TSPAN3: variants seen among roughly 807,000 people sequenced by gnomAD.
TSPAN3 encodes the protein tetraspanin-3.
A neutral mutation model predicts 31.1 loss-of-function variants in TSPAN3; 9 were observed. That is an observed-to-expected ratio of 0.29 (90% confidence interval 0.17 to 0.50). The LOEUF (loss-of-function observed/expected upper bound fraction) is 0.50. TSPAN3 is among the 20% of genes least tolerant of loss of function. The pLI, the probability that TSPAN3 is intolerant of heterozygous loss-of-function variation, is 0.98. For missense variants in TSPAN3, 252 were observed against 313.5 expected (o/e 0.80, Z 1.48); for synonymous variants, 129 against 114.3 (o/e 1.13, Z -0.82).
intron 1 of TSPAN3, among the ~76,000 whole-genome samples, chr15:77,066,561 G>A (rs1428636531): frequency 5.7e-5 from 5 of 88,370 alleles, no homozygotes; most frequent in African/African-American, 2.5e-4. Context: ...GACAGAGTAA[G>A]ACTTCGTCTC....
At position 77,052,397 on chromosome 15, in the gene TSPAN3, A is replaced by C; in HGVS notation, c.657T>G (p.Phe219Leu). The part of the protein sequence containing the change: ...MMHVIWAALA[F>L]AAIQLLGMLC... ...AAGCTGTGCTTACCTGAATAGCTGC[A>C]AATGCCAGTGCGGCCCAGATCACAT... Residue 219 changes from phenylalanine (F) to leucine (L), a missense_variant, in exon 6 of 7, where the codon TTT becomes TTG. Phe to Leu is a conservative substitution (Grantham distance 22). Transcript: ENST00000267970. 6.2e-7 allele frequency: 1 copy of C among 1,614,216 alleles called. No individual in the cohort carries two copies. The highest frequency in any genetic ancestry group is 8.5e-7 in the Non-Finnish European group (1 of 1,180,028).
chr15:77,059,785 TAAC>T (rs1488414327), intron 1 of TSPAN3, among the ~76,000 whole-genome samples: 2 of 152,186 alleles, frequency 1.3e-5, no homozygotes, highest in East Asian at 3.8e-4. Flanking sequence ...CATATGTACT[TAAC>T]AATCAACCTG....
chr15:77,047,804 A>C (rs1046104525), intron 6 of TSPAN3, among the ~76,000 whole-genome samples: 1 of 152,202 alleles, frequency 6.6e-6, no homozygotes, highest in African/African-American at 2.4e-5. Flanking sequence ...CTAACTTCTC[A>C]TTGATGAGGA....
intron 5 of TSPAN3, 102 bp from the exon 6 acceptor site, chr15:77,052,570 TGAAA>T (rs2076739208): frequency 8.0e-7 from 1 of 1,242,622 alleles, no homozygotes; most frequent in Non-Finnish European, 1.2e-6. Context: ...TGACAGAAAC[TGAAA>T]GAGTGGAAAA....
At chr15:77,053,158 A>G (rs1202728226) in intron 4 of TSPAN3, among the ~76,000 whole-genome samples, 3 of 152,142 alleles carry the variant, frequency 2.0e-5, no homozygotes, top group Non-Finnish European at 2.9e-5. Flanking sequence ...ATTTTAATGT[A>G]AACAGCCAGA....
At chr15:77,058,683 T>TAA (rs1224392125) in intron 1 of TSPAN3, among the ~76,000 whole-genome samples, 1 of 152,210 alleles carries the variant, frequency 6.6e-6, no homozygotes, top group Non-Finnish European at 1.5e-5. Context: ...AGGTATCAGT[T>TAA]AAAGTTTATT....
intron 6 of TSPAN3, 50 bp from the exon 7 acceptor site, chr15:77,046,977 G>A: frequency 7.0e-7 from 1 of 1,421,680 alleles, no homozygotes; most frequent in Non-Finnish European, 9.7e-7. Flanking sequence ...ACCCTCTCAT[G>A]GCAGGTGTGT....
intron 6 of TSPAN3, among the ~76,000 whole-genome samples, chr15:77,051,791 A>C (rs2076732895): frequency 6.6e-6 from 1 of 151,938 alleles, no homozygotes; most frequent in Non-Finnish European, 1.5e-5. Context: ...CCAGGAGTTC[A>C]AAGTTACAGT....
rs1276992477 is a variant in TSPAN3 at position 77,042,057 on chromosome 15, A to C, written c.*4778T>G. ...CTAACACAATGGAATGACAAATCCT[A>C]CAGTTAGACATGGAAGGAGCATCAG... On this transcript the variant is annotated 3_prime_UTR_variant, in exon 7 of 7. Coordinates refer to ENST00000267970, the MANE Select transcript of TSPAN3 (RefSeq NM_005724.6). The C allele has an allele frequency of 1.3e-5, 2 of 151,620 alleles. No individual in the cohort carries two copies. Among genetic ancestry groups the C allele is most frequent in the African/African-American group, 2.4e-5 (1 of 40,934 alleles). 9.4% of individuals were successfully genotyped at this position (151,620 alleles called of 1,614,324 possible).
intron 1 of TSPAN3, among the ~76,000 whole-genome samples, chr15:77,056,852 C>G (rs931159659): frequency 7.2e-5 from 11 of 152,190 alleles, no homozygotes; most frequent in African/African-American, 2.4e-4. Flanking sequence ...TCTATCAATT[C>G]TTTAGAATGG....
Position 77,071,004 on chromosome 15 carries a change from C to T in TSPAN3, c.-50G>A. The T allele has an allele frequency of 7.5e-7, 1 of 1,328,544 alleles. No homozygotes were observed. Among genetic ancestry groups the T allele is most frequent in the Non-Finnish European group, 9.8e-7 (1 of 1,024,384 alleles). The allele number at this position is 1,328,544 out of a possible 1,614,324, so 82.3% of individuals were successfully genotyped here. ...GGCCCGGAGAGCGGGGCTGCGCTCA[C>T]CGAGAGAGCGGCAATGGCGGCGGCG... On this transcript the variant is annotated 5_prime_UTR_variant, in exon 1 of 7. The change creates a new upstream start codon in the 5' untranslated region. Transcript: ENST00000267970.
chr15:77,056,545 A>G (rs770575439), intron 1 of TSPAN3, among the ~76,000 whole-genome samples: 1 of 152,146 alleles, frequency 6.6e-6, no homozygotes, highest in Non-Finnish European at 1.5e-5. Flanking sequence ...CTAAAGGCTT[A>G]CTGTAGCTCA....
chr15:77,052,310 G>T, intron 6 of TSPAN3, 75 bp downstream of exon 6: 2 of 1,270,044 alleles, frequency 1.6e-6, no homozygotes. Flanking sequence ...CACTGTGATG[G>T]GGATTAAAAC....
Position 77,044,788 on chromosome 15 carries a change from G to C in TSPAN3, c.*2047C>G, listed in dbSNP as rs1291049770. ...CAACCAACATCACAGTCCAAATATT[G>C]CTCACCTCAGGGCCAGCCTGTGACA... On this transcript the variant is annotated 3_prime_UTR_variant, in exon 7 of 7. Coordinates refer to ENST00000267970, the MANE Select transcript of TSPAN3 (RefSeq NM_005724.6). 6.6e-6 allele frequency: 1 copy of C among 152,196 alleles called. No individual in the cohort carries two copies. The highest frequency in any genetic ancestry group is 2.4e-5 in the African/African-American group (1 of 41,424). The allele number at this position is 152,196 out of a possible 1,614,324, so 9.4% of individuals were successfully genotyped here. A position where few individuals can be genotyped will look rare whatever the true frequency, so the allele number is the denominator to read the frequency against.
At chr15:77,055,685 G>T in intron 3 of TSPAN3, 104 bp downstream of exon 3, 1 of 906,288 alleles carries the variant, frequency 1.1e-6, no homozygotes, top group Non-Finnish European at 1.7e-6. Flanking sequence ...AAACAAGTAA[G>T]GCAAAAGAAA....
chr15:77,056,631 A>G (rs1432962231), intron 1 of TSPAN3, among the ~76,000 whole-genome samples: 1 of 152,086 alleles, frequency 6.6e-6, no homozygotes, highest in East Asian at 1.9e-4. Context: ...TAAGTGGGGA[A>G]ATTTGGTAGA....
intron 5 of TSPAN3, 115 bp from the exon 6 acceptor site, chr15:77,052,583 A>G: frequency 8.5e-7 from 1 of 1,181,208 alleles, no homozygotes; most frequent in Non-Finnish European, 1.2e-6. Context: ...AAGAGTGGAA[A>G]AAAGATTCCA....
At chr15:77,049,570 G>T (rs910136871) in intron 6 of TSPAN3, among the ~76,000 whole-genome samples, 1 of 152,126 alleles carries the variant, frequency 6.6e-6, no homozygotes, top group Non-Finnish European at 1.5e-5. Flanking sequence ...TACTCTCAAA[G>T]AAGTGAAATA....
chr15:77,063,237 C>T (rs544411794), intron 1 of TSPAN3, among the ~76,000 whole-genome samples: 1 of 152,310 alleles, frequency 6.6e-6, no homozygotes, highest in East Asian at 1.9e-4. Context: ...GATTATCTAA[C>T]ACAATTCTTT....
Sources: gnomAD v4.1 joint callset for allele counts (sites outside exome capture counted in the v4.1 genomes callset) on GRCh38, gnomAD v4.1.1 for gene constraint, MANE v1.5 for transcripts, NCBI Gene and HGNC (gene_info 2026-07-23, HGNC 2026-07-21) for gene names.